Variants in ULK4 observed in about 807,000 individuals in gnomAD.
ULK4 encodes the protein inactive serine/threonine-protein kinase ULK4.
In ULK4, 133 loss-of-function variants were observed where a neutral mutation model predicts 160.6. That is an observed-to-expected ratio of 0.83 (90% CI 0.72 to 0.96). The LOEUF is 0.96. ULK4 is among the 40% of genes least tolerant of loss of function. The pLI, the probability that ULK4 is intolerant of heterozygous loss-of-function variation, is 0.00. For synonymous variants in ULK4, 534 were observed against 539.8 expected (o/e 0.99, Z 0.15); for missense variants, 1,580 against 1,499.5 (o/e 1.05, Z -0.89).
chr3:41,726,043 TACAGAGTATAAAAAAAGCAAATTC>T (rs930584858), intron 22 of ULK4, among the ~76,000 whole-genome samples: 1 of 152,208 alleles, frequency 6.6e-6, no homozygotes, highest in African/African-American at 2.4e-5. Flanking sequence ...TCTCCAAATT[TACAGAGTATAAAAAAAGCAAATTC>T]ACACTTGTCT....
At chr3:41,787,123 C>A (rs2040019906) in intron 21 of ULK4, among the ~76,000 whole-genome samples, 1 of 152,134 alleles carries the variant, frequency 6.6e-6, no homozygotes, top group Non-Finnish European at 1.5e-5. Context: ...CCCAACCCCA[C>A]CAGCAAAGAG....
At chr3:41,519,566 G>A (rs768412397) in intron 32 of ULK4, among the ~76,000 whole-genome samples, 3 of 152,234 alleles carry the variant, frequency 2.0e-5, no homozygotes, top group Non-Finnish European at 4.4e-5. Context: ...CAGTGTGGTA[G>A]GGAATTTGAA....
chr3:41,576,498 G>C (rs2088192964), intron 31 of ULK4, among the ~76,000 whole-genome samples: 1 of 152,152 alleles, frequency 6.6e-6, no homozygotes, highest in African/African-American at 2.4e-5. Flanking sequence ...AAACAATCCT[G>C]CTCTAAGTTG....
At chr3:41,812,861 T>A (rs2040857123) in intron 19 of ULK4, among the ~76,000 whole-genome samples, 1 of 152,186 alleles carries the variant, frequency 6.6e-6, no homozygotes, top group Non-Finnish European at 1.5e-5. Context: ...TGTGTGTACA[T>A]TAGGGAGGCT....
At chr3:41,546,951 TTAG>T (rs2086885377) in intron 32 of ULK4, among the ~76,000 whole-genome samples, 1 of 152,148 alleles carries the variant, frequency 6.6e-6, no homozygotes, top group Non-Finnish European at 1.5e-5. Flanking sequence ...CTTGATGTAA[TTAG>T]TAGTTTTTCT....
intron 32 of ULK4, among the ~76,000 whole-genome samples, chr3:41,466,782 ATG>A (rs1236987322): frequency 6.6e-6 from 1 of 152,164 alleles, no homozygotes; most frequent in African/African-American, 2.4e-5. Flanking sequence ...GTGTGTATAT[ATG>A]TGTGTGTATA....
intron 35 of ULK4, among the ~76,000 whole-genome samples, chr3:41,386,864 G>A (rs1286057226): frequency 1.3e-5 from 2 of 152,156 alleles, no homozygotes; most frequent in Non-Finnish European, 2.9e-5. Flanking sequence ...CCTGTGACAT[G>A]TGATCTTGTC....
At chr3:41,944,968 T>A (rs985806268) in intron 2 of ULK4, among the ~76,000 whole-genome samples, 3 of 152,198 alleles carry the variant, frequency 2.0e-5, no homozygotes, top group Admixed American at 6.5e-5. Flanking sequence ...GAGAACAGAA[T>A]ATATTCTGGC....
chr3:41,544,175 G>T (rs1467517501), intron 32 of ULK4, among the ~76,000 whole-genome samples: 3 of 141,124 alleles, frequency 2.1e-5, no homozygotes, highest in African/African-American at 7.9e-5. Context: ...CCCTCCCACT[G>T]AGGATATTTT....
At chr3:41,296,395 G>A (rs1340799595) in intron 35 of ULK4, among the ~76,000 whole-genome samples, 1 of 152,164 alleles carries the variant, frequency 6.6e-6, no homozygotes, top group Non-Finnish European at 1.5e-5. Flanking sequence ...TGGCCAGGGT[G>A]TTCACCCAGG....
chr3:41,842,620 C>T (rs1473946864), intron 17 of ULK4, among the ~76,000 whole-genome samples: 2 of 150,350 alleles, frequency 1.3e-5, no homozygotes, highest in Admixed American at 6.6e-5. Flanking sequence ...TTCTCTCCGA[C>T]CATGGGATGT....
chr3:41,292,576 G>A (rs561621779), intron 35 of ULK4, among the ~76,000 whole-genome samples: 28 of 152,146 alleles, frequency 1.8e-4, no homozygotes, highest in African/African-American at 6.5e-4. Flanking sequence ...GAACCCGGGA[G>A]GCAGCAGTTT....
At chr3:41,581,082 T>G (rs889310011) in intron 31 of ULK4, among the ~76,000 whole-genome samples, 1 of 152,036 alleles carries the variant, frequency 6.6e-6, no homozygotes, top group Admixed American at 6.6e-5. Context: ...ATTCACCCTT[T>G]CCCAGAATAT....
intron 19 of ULK4, among the ~76,000 whole-genome samples, chr3:41,812,687 G>A (rs2040852618): frequency 6.6e-6 from 1 of 152,184 alleles, no homozygotes; most frequent in South Asian, 2.1e-4. Context: ...GATCTTCCAT[G>A]TGTTTCTGAC....
intron 35 of ULK4, among the ~76,000 whole-genome samples, chr3:41,314,992 A>T (rs2080120395): frequency 1.3e-5 from 2 of 152,222 alleles, no homozygotes; most frequent in East Asian, 3.8e-4. Context: ...TTGAAAATTA[A>T]AACCAAGACA....
At chr3:41,923,078 G>A (rs914622581) in intron 5 of ULK4, among the ~76,000 whole-genome samples, 8 of 151,818 alleles carry the variant, frequency 5.3e-5, no homozygotes, top group Non-Finnish European at 1.0e-4. Flanking sequence ...GGAGGCAGGA[G>A]AATTGTTTGA....
At chr3:41,273,905 C>T (rs909239832) in intron 35 of ULK4, among the ~76,000 whole-genome samples, 4 of 152,082 alleles carry the variant, frequency 2.6e-5, no homozygotes, top group African/African-American at 9.7e-5. Flanking sequence ...CCTTCTATAC[C>T]ATGTTGTGAT....
chr3:41,947,913 G>GA (rs577443338), intron 2 of ULK4, among the ~76,000 whole-genome samples: 3 of 152,178 alleles, frequency 2.0e-5, no homozygotes, highest in East Asian at 3.9e-4. Context: ...ATGAATCTTG[G>GA]AAAAAAGAGA....
chr3:41,958,157 C>T (rs1700547459), intron 1 of ULK4, among the ~76,000 whole-genome samples: 1 of 151,840 alleles, frequency 6.6e-6, no homozygotes, highest in Non-Finnish European at 1.5e-5. Flanking sequence ...ATATTTGTAC[C>T]CCACATATTC....
Sources: allele counts gnomAD v4.1 joint callset (sites outside exome capture counted in the v4.1 genomes callset), GRCh38; gene constraint gnomAD v4.1.1; transcripts MANE v1.5; gene names NCBI Gene and HGNC (gene_info 2026-07-23, HGNC 2026-07-21).